Variants in GRB14 observed in about 807,000 individuals in gnomAD.
The protein encoded by GRB14 is growth factor receptor bound protein 14.
GRB14 carries 38 observed loss-of-function variants against 69.1 expected under a neutral mutation model. The observed-to-expected ratio is 0.55, with a 90% CI of 0.42 to 0.72. GRB14 has a LOEUF of 0.72. Among genes scored for constraint, GRB14 ranks in the 30% least tolerant of loss-of-function variants. The probability of loss-of-function intolerance (pLI) is 0.00; values close to 1 mark genes in which losing one functional copy is unlikely to be tolerated. For synonymous variants in GRB14, 247 were observed against 241.3 expected (o/e 1.02, Z -0.22); for missense variants, 666 against 666.1 (o/e 1.00, Z 0.00).
rs375873004 is a variant in GRB14 at position 164,551,858 on chromosome 2, C to G, written c.325-4042G>C. 1.1e-4 allele frequency among the ~76,000 whole-genome samples: 17 copies of G among 152,268 alleles called. No individual in the cohort carries two copies. The East Asian group carries it at 2.5e-3, about 22-fold the overall frequency. The stretch of plus-strand genomic sequence containing the variant: ...GTTTTGTGCTGATATTAAGGAATAT[C>G]TGAGGCTGGGTAATTTATAAAGAAA... On this transcript the variant is annotated intron_variant, in intron 2 of 13. Coordinates refer to ENST00000263915, the MANE Select transcript of GRB14 (RefSeq NM_004490.3).
intron 2 of GRB14, among the ~76,000 whole-genome samples, chr2:164,615,081 T>C (rs1690256351): frequency 6.6e-6 from 1 of 152,192 alleles, no homozygotes; most frequent in Non-Finnish European, 1.5e-5. Context: ...CATTGAGACA[T>C]GATACTCTTT....
intron 2 of GRB14, among the ~76,000 whole-genome samples, chr2:164,575,229 TA>T (rs1689224689): frequency 6.6e-6 from 1 of 152,182 alleles, no homozygotes; most frequent in Non-Finnish European, 1.5e-5. Flanking sequence ...TCAAACTCAT[TA>T]ATTATAAAGG....
chr2:164,543,051 G>C (rs138876988), intron 3 of GRB14, among the ~76,000 whole-genome samples: 119 of 152,204 alleles, frequency 7.8e-4, no homozygotes, highest in African/African-American at 2.6e-3. Flanking sequence ...CTAGCACTTT[G>C]GGAGGTCAAG....
chr2:164,531,301 T>C lies in GRB14; in HGVS notation c.482-4166A>G, dbSNP rs1687929220. Among the ~76,000 whole-genome samples, 5 of 152,326 alleles carry C rather than the reference T, an allele frequency of 3.3e-5. No homozygotes were observed. The South Asian group carries it at 1.0e-3, about 32-fold the overall frequency. On this transcript the variant is annotated intron_variant, in intron 3 of 13. Transcript: ENST00000263915. ...TATTTTCAAGATTATGAAACACAGG[T>C]ACACATTATTAAATGCACTATGTGC... is the stretch of plus-strand genomic sequence containing the variant.
chr2:164,620,056 CTCT>C (rs869098344), intron 1 of GRB14: 27 of 109,320 alleles, frequency 2.5e-4, no homozygotes, highest in Admixed American at 4.5e-4. Context: ...CTCTCTCTCT[CTCT>C]CTCCCCTCCC....
At position 164,531,206 on chromosome 2, in the gene GRB14, A is replaced by G. The variant is rs575077630; in HGVS notation, c.482-4071T>C. 9.2e-5 allele frequency among the ~76,000 whole-genome samples: 14 copies of G among 152,328 alleles called. No individual in the cohort carries two copies. In the South Asian group the frequency reaches 2.9e-3, roughly 32 times the overall value. ...AGGGACATCCAGTGATCACTGAGCT[A>G]CCAAGGGGGAAGTTGCATCCTTAAA... On this transcript the variant is annotated intron_variant, in intron 3 of 13. Transcript: ENST00000263915.
rs886280076 is a variant in GRB14, at chr2:164,592,244, C to T, written c.324+27443G>A. Among the ~76,000 whole-genome samples the T allele has an allele frequency of 7.9e-5, 12 of 152,204 alleles. No homozygotes were observed. The East Asian group carries it at 1.9e-3, about 25-fold the overall frequency. ...CCGCCTCCCGGGTTCACGCCATTCT[C>T]CCGCCTCAGCCTTCCAAGTAGCTGG... On this transcript the variant is annotated intron_variant, in intron 2 of 13. Coordinates refer to ENST00000263915, the MANE Select transcript of GRB14 (RefSeq NM_004490.3).
intron 2 of GRB14, among the ~76,000 whole-genome samples, chr2:164,597,150 T>C (rs1234134455): frequency 6.6e-6 from 1 of 152,102 alleles, no homozygotes; most frequent in African/African-American, 2.4e-5. Context: ...ACACGATCAG[T>C]AAAAGTGAAA....
intron 2 of GRB14, among the ~76,000 whole-genome samples, chr2:164,601,514 A>G (rs1015084548): frequency 6.6e-6 from 1 of 152,166 alleles, no homozygotes; most frequent in African/African-American, 2.4e-5. Context: ...TGTGTTAGAT[A>G]GGCAGGGCTG....
chr2:164,620,909 T>G (rs979287303), intron 1 of GRB14, among the ~76,000 whole-genome samples: 1 of 152,230 alleles, frequency 6.6e-6, no homozygotes, highest in Non-Finnish European at 1.5e-5. Context: ...ATGAGAGCTC[T>G]CAATGAAACG....
At chr2:164,595,790 T>C (rs1380249970) in intron 2 of GRB14, among the ~76,000 whole-genome samples, 1 of 152,174 alleles carries the variant, frequency 6.6e-6, no homozygotes, top group Non-Finnish European at 1.5e-5. Context: ...ACTTAGAGAC[T>C]ATTGCAATAG....
At chr2:164,533,325 C>A (rs998339879) in intron 3 of GRB14, among the ~76,000 whole-genome samples, 50 of 149,864 alleles carry the variant, frequency 3.3e-4, no homozygotes, top group African/African-American at 1.1e-3. Flanking sequence ...CTCCGCCTCC[C>A]GGGTTCACGC....
rs558144718 is a variant in GRB14 at position 164,617,456 on chromosome 2, T to C, written c.324+2231A>G. ...TGCCCATTTTCCAGTTTAAACCTGA[T>C]CTGAGGAAATGTCATCAATCTCTAA... On this transcript the variant is annotated intron_variant, in intron 2 of 13. Transcript: ENST00000263915. Among the ~76,000 whole-genome samples, 422 of 152,220 alleles carry C rather than the reference T, an allele frequency of 2.8e-3. 2 individuals carry two copies. The highest frequency in any genetic ancestry group is 9.2e-3 in the African/African-American group (383 of 41,544).
At chr2:164,529,873 T>C (rs1459308298) in intron 3 of GRB14, among the ~76,000 whole-genome samples, 1 of 152,182 alleles carries the variant, frequency 6.6e-6, no homozygotes, top group Non-Finnish European at 1.5e-5. Flanking sequence ...TGGCAGTTAG[T>C]TATAACTTAG....
chr2:164,541,829 G>A (rs751181277), intron 3 of GRB14, among the ~76,000 whole-genome samples: 43 of 151,990 alleles, frequency 2.8e-4, no homozygotes, highest in Non-Finnish European at 5.1e-4. Flanking sequence ...CACAGTACTC[G>A]ACAGTTAGTT....
At chr2:164,543,723 T>C (rs1176033905) in intron 3 of GRB14, among the ~76,000 whole-genome samples, 1 of 152,226 alleles carries the variant, frequency 6.6e-6, no homozygotes, top group African/African-American at 2.4e-5. Context: ...AAAACCACTG[T>C]AGTTCTTTCC....
At chr2:164,502,459 A>C (rs1687081117) in intron 8 of GRB14, 124 bp from the exon 9 acceptor site, 1 of 612,744 alleles carries the variant, frequency 1.6e-6, no homozygotes, top group Non-Finnish European at 2.8e-6. Flanking sequence ...CAAGTAAAGC[A>C]ACCAAAATTT....
intron 2 of GRB14, among the ~76,000 whole-genome samples, chr2:164,555,510 A>G (rs907975008): frequency 1.3e-5 from 2 of 152,214 alleles, no homozygotes; most frequent in South Asian, 2.1e-4. Flanking sequence ...ATATTTGGGC[A>G]TAGTTATCTA....
chr2:164,596,183 C>T (rs1689778991), intron 2 of GRB14, among the ~76,000 whole-genome samples: 1 of 152,194 alleles, frequency 6.6e-6, no homozygotes, highest in South Asian at 2.1e-4. Context: ...GAACCCCCAA[C>T]TTAGAATATA....
Sources: allele counts gnomAD v4.1 joint callset (sites outside exome capture counted in the v4.1 genomes callset), GRCh38; gene constraint gnomAD v4.1.1; transcripts MANE v1.5; gene names NCBI Gene and HGNC (gene_info 2026-07-23, HGNC 2026-07-21).